PCDH15: variants seen among roughly 807,000 people sequenced by gnomAD.
PCDH15 encodes protocadherin related 15, also known as protocadherin-15.
A neutral mutation model predicts 178.5 loss-of-function variants in PCDH15; 129 were observed. That is an observed-to-expected ratio of 0.72 (90% CI 0.63 to 0.84). The LOEUF (loss-of-function observed/expected upper bound fraction) is 0.84. Among genes scored for constraint, PCDH15 ranks in the 40% least tolerant of loss-of-function variants. The pLI, the probability that PCDH15 is intolerant of heterozygous loss-of-function variation, is 0.00. For synonymous variants in PCDH15, 800 were observed against 732.0 expected (o/e 1.09, Z -1.50); for missense variants, 2,230 against 2,099.9 (o/e 1.06, Z -1.21).
At chr10:54,759,873 T>C (rs1947642386) in intron 1 of PCDH15, among the ~76,000 whole-genome samples, 1 of 152,198 alleles carries the variant, frequency 6.6e-6, no homozygotes. Context: ...AGAATGATTC[T>C]TTCACTACTA....
intron 20 of PCDH15, among the ~76,000 whole-genome samples, chr10:54,008,580 G>A (rs910556399): frequency 2.6e-4 from 40 of 152,036 alleles, no homozygotes; most frequent in African/African-American, 9.7e-4. Flanking sequence ...ATTGAATCCA[G>A]AGCTGCCAAG....
chr10:54,283,127 T>G (rs2132768564), intron 8 of PCDH15, among the ~76,000 whole-genome samples: 1 of 152,226 alleles, frequency 6.6e-6, no homozygotes, highest in Admixed American at 6.5e-5. Context: ...GTAGAGAAAC[T>G]AAGGCAATAT....
chr10:55,044,404 T>G (rs1216439897), intron 2 of PCDH15, among the ~76,000 whole-genome samples: 1 of 152,138 alleles, frequency 6.6e-6, no homozygotes, highest in Admixed American at 6.6e-5. Context: ...TATGATAACT[T>G]TCAAGGTTTT....
At chr10:53,829,849 G>A (rs1250544380) in intron 30 of PCDH15, among the ~76,000 whole-genome samples, 10 of 152,194 alleles carry the variant, frequency 6.6e-5, no homozygotes, top group South Asian at 2.1e-4. Context: ...TCTGTGTAAC[G>A]AATTCATGAT....
chr10:55,437,121 A>G (rs1295928442), intron 2 of PCDH15, among the ~76,000 whole-genome samples: 1 of 152,208 alleles, frequency 6.6e-6, no homozygotes. Flanking sequence ...GAATCTCTCC[A>G]TCTTCCTTTT....
chr10:54,675,291 A>G (rs1255708512), intron 1 of PCDH15, among the ~76,000 whole-genome samples: 1 of 151,956 alleles, frequency 6.6e-6, no homozygotes, highest in Non-Finnish European at 1.5e-5. Context: ...ATAAGTTGTT[A>G]TATGTCCCTT....
At chr10:55,627,758 T>C (rs1837562528) in intron 1 of PCDH15, 1 of 152,076 alleles carries the variant, frequency 6.6e-6, no homozygotes, top group Non-Finnish European at 1.5e-5. Context: ...TCTCGACTAG[T>C]TACCAATTGA....
chr10:55,077,479 T>C (rs1208403071), intron 2 of PCDH15, among the ~76,000 whole-genome samples: 1 of 149,644 alleles, frequency 6.7e-6, no homozygotes. Context: ...CTTCCTTCTT[T>C]CCTTTCCTTC....
At chr10:53,822,745 A>C in intron 32 of PCDH15, 12 of 1,614,084 alleles carry the variant, frequency 7.4e-6, no homozygotes, top group Non-Finnish European at 1.0e-5. Flanking sequence ...AAGCAAAATG[A>C]AGAGTCTGAA....
At chr10:54,160,179 GCCC>G (rs149387076) in intron 13 of PCDH15, among the ~76,000 whole-genome samples, 1 of 151,504 alleles carries the variant, frequency 6.6e-6, no homozygotes, top group Non-Finnish European at 1.5e-5. Flanking sequence ...GATGATTCAT[GCCC>G]CCCCCAACAA....
At chr10:54,967,053 G>A (rs1198543695) in intron 2 of PCDH15, among the ~76,000 whole-genome samples, 1 of 152,138 alleles carries the variant, frequency 6.6e-6, no homozygotes, top group African/African-American at 2.4e-5. Context: ...GGATGAGTCT[G>A]TGAGTGATGA....
chr10:54,569,166 T>C (rs2089453599), intron 2 of PCDH15, among the ~76,000 whole-genome samples: 1 of 151,960 alleles, frequency 6.6e-6, no homozygotes, highest in South Asian at 2.1e-4. Flanking sequence ...ACAGAGTCAA[T>C]ATATACTTGG....
At chr10:55,477,225 C>T (rs1157747284) in intron 2 of PCDH15, among the ~76,000 whole-genome samples, 1 of 151,588 alleles carries the variant, frequency 6.6e-6, no homozygotes, top group African/African-American at 2.4e-5. Flanking sequence ...AGGAGAAAAG[C>T]ATTTGGTTGT....
intron 3 of PCDH15, among the ~76,000 whole-genome samples, chr10:54,387,184 A>T (rs1950029318): frequency 6.6e-6 from 1 of 152,208 alleles, no homozygotes; most frequent in Admixed American, 6.5e-5. Context: ...CTCAAAAATT[A>T]AAAACAGTAT....
chr10:55,003,356 A>G lies in PCDH15; in HGVS notation c.-79-105856T>C, dbSNP rs569422547. Among the ~76,000 whole-genome samples the G allele has an allele frequency of 1.1e-3, 167 of 152,308 alleles. 1 individual carries two copies. Among genetic ancestry groups the G allele is most frequent in the Admixed American group, 2.5e-3 (38 of 15,290 alleles). ...CAAATTAAAAGGCTTATGTTTTCAA[A>G]AAGATTGCTAACCCAACATGAGGTA... On this transcript the variant is annotated intron_variant, in intron 2 of 5. Coordinates refer to the PCDH15 transcript ENST00000458638.
intron 3 of PCDH15, among the ~76,000 whole-genome samples, chr10:54,479,108 T>A (rs2078503076): frequency 6.6e-6 from 1 of 151,812 alleles, no homozygotes; most frequent in African/African-American, 2.4e-5. Context: ...TGAAAAGAAA[T>A]TGTACATAGA....
At chr10:54,177,439 G>A (rs1029900459) in intron 13 of PCDH15, among the ~76,000 whole-genome samples, 1 of 152,040 alleles carries the variant, frequency 6.6e-6, no homozygotes, top group Non-Finnish European at 1.5e-5. Context: ...TGATAACAAT[G>A]TGCGAATGTA....
In PCDH15 at chr10:55,211,422, A is replaced by G. The variant is rs185073762; in HGVS notation, c.-155-44771T>C. Among the ~76,000 whole-genome samples, 104 of 152,264 alleles carry G rather than the reference A, an allele frequency of 6.8e-4. 1 individual carries two copies. The South Asian group carries it at 7.3e-3, about 11-fold the overall frequency. On this transcript the variant is annotated intron_variant, in intron 1 of 5. Transcript: ENST00000458638. ...AATGTAATCATTTGCATTTCCAATG[A>G]TAAAACACACAAGGAAAGCTAGTAA...
chr10:53,835,755 AAAAAC>A (rs1182893234), intron 29 of PCDH15, among the ~76,000 whole-genome samples: 9 of 152,204 alleles, frequency 5.9e-5, no homozygotes, highest in Admixed American at 5.9e-4. Flanking sequence ...TGTCTCTACA[AAAAAC>A]AAAACAAAAC....
Sources: allele counts gnomAD v4.1 joint callset (sites outside exome capture counted in the v4.1 genomes callset), GRCh38; gene constraint gnomAD v4.1.1; transcripts MANE v1.5; gene names NCBI Gene and HGNC (gene_info 2026-07-23, HGNC 2026-07-21).